Variants in PI15 observed in about 807,000 individuals in gnomAD.
The protein encoded by PI15 is peptidase inhibitor 15, also known as 25 kDa trypsin inhibitor.
A neutral mutation model predicts 31.0 loss-of-function variants in PI15; 18 were observed. The ratio of observed to expected loss-of-function variants is 0.58; its 90% CI spans 0.40 to 0.86. The LOEUF is 0.86. Among genes scored for constraint, PI15 ranks in the 40% least tolerant of loss-of-function variants. The probability of loss-of-function intolerance (pLI) is 0.00; values close to 1 mark genes in which losing one functional copy is unlikely to be tolerated. For missense variants in PI15, 282 were observed against 328.1 expected, an observed-to-expected ratio of 0.86 and a Z score of 1.09; for synonymous variants, 118 against 119.1, an observed-to-expected ratio of 0.99 and a Z score of 0.06.
Position 74,852,056 on chromosome 8 carries a change from G to A in PI15, c.*2803G>A, listed in dbSNP as rs548214183. 1 of 152,594 alleles carries A rather than the reference G, an allele frequency of 6.6e-6. No individual in the cohort carries two copies. Among genetic ancestry groups the A allele is most frequent in the East Asian group, 1.9e-4 (1 of 5,186 alleles). The allele number at this position is 152,594 out of a possible 1,614,324, so 9.5% of individuals were successfully genotyped here. ...ATATTTTTCACAGCATGCAACAATG[G>A]TGCTAGGATAGCTATTTCTTACTGT... is the stretch of plus-strand genomic sequence containing the variant. On this transcript the variant is annotated 3_prime_UTR_variant, in exon 6 of 6. Coordinates refer to ENST00000260113, the MANE Select transcript of PI15 (RefSeq NM_015886.5).
At chr8:74,825,065 T>C (rs1356979930) in intron 1 of PI15, 145 bp from the exon 2 acceptor site, 1 of 657,834 alleles carries the variant, frequency 1.5e-6, no homozygotes. Context: ...TACTGTAGGT[T>C]ATCTCCTAGG....
Position 74,825,540 on chromosome 8 carries a change from T to TC in PI15, c.273+18_273+19insC. ...AATATATGGTAAGAAGAATTCTTTTTTTTTTTTTTAAGTTCTGAGTGAGAA... is the reference window on the plus strand; with the variant it reads ...AATATATGGTAAGAAGAATTCTTTTTCTTTTTTTTTAAGTTCTGAGTGAGAA... On this transcript the variant is annotated intron_variant, in intron 2 of 5. Coordinates refer to ENST00000260113, the MANE Select transcript of PI15 (RefSeq NM_015886.5). The TC allele has an allele frequency of 6.3e-7, 1 of 1,592,098 alleles. No homozygotes were observed.
chr8:74,828,029 A>G (rs1376479699), intron 2 of PI15, among the ~76,000 whole-genome samples: 1 of 152,116 alleles, frequency 6.6e-6, no homozygotes, highest in Non-Finnish European at 1.5e-5. Context: ...AATATTTAAT[A>G]TTTGTTAAGC....
chr8:74,825,369 T>G lies in PI15; in HGVS notation c.120T>G (p.Ile40Met). The change falls in exon 2 of 6, where the codon ATT (isoleucine) becomes ATG (methionine). Residue 40 changes from isoleucine to methionine, a missense_variant. Transcript: ENST00000260113. ...CGCCAACCAATAATTTCACTGATATTGAAGCAGCTCTGAAAGCACAATTAG... is the reference window on the plus strand; with the variant it reads ...CGCCAACCAATAATTTCACTGATATGGAAGCAGCTCTGAAAGCACAATTAG... The part of the protein sequence containing the change: ...SSPPTNNFTD[I>M]EAALKAQLDS... The G allele has an allele frequency of 6.2e-7, 1 of 1,613,512 alleles. No homozygotes were observed. The highest frequency in any genetic ancestry group is 8.5e-7 in the Non-Finnish European group (1 of 1,179,668).
intron 2 of PI15, among the ~76,000 whole-genome samples, chr8:74,825,767 T>C (rs781275717): frequency 6.6e-6 from 1 of 152,064 alleles, no homozygotes; most frequent in African/African-American, 2.4e-5. Context: ...GACTTTCTTC[T>C]GTGAGTTCCA....
chr8:74,841,060 T>A (rs1810938360), intron 2 of PI15, among the ~76,000 whole-genome samples: 1 of 152,156 alleles, frequency 6.6e-6, no homozygotes, highest in South Asian at 2.1e-4. Flanking sequence ...AGTATAAAGG[T>A]AGGATTACAT....
chr8:74,838,605 A>G (rs890483644), intron 2 of PI15, among the ~76,000 whole-genome samples: 2 of 151,636 alleles, frequency 1.3e-5, no homozygotes, highest in Non-Finnish European at 2.9e-5. Context: ...TATTTTTTAC[A>G]TCTTTGTGTC....
chr8:74,825,628 T>A, intron 2 of PI15, 106 bp downstream of exon 2: 2 of 884,556 alleles, frequency 2.3e-6, no homozygotes, highest in Non-Finnish European at 3.4e-6. Context: ...TCCGGGTATA[T>A]GGACTTTTTA....
chr8:74,844,042 A>G lies in PI15; in HGVS notation c.335A>G (p.His112Arg). ...TGGGCGGCTACTTGCATTTGGGACC[A>G]TGGACCTTCTTACTTACTGAGATTT... ...EAWAATCIWD[H>R]GPSYLLRFLG... The change falls in exon 3 of 6, where the codon CAT (histidine) becomes CGT (arginine). Residue 112 changes from histidine (H) to arginine (R), a missense_variant. Transcript: ENST00000260113. The G allele has an allele frequency of 1.2e-6, 2 of 1,609,820 alleles. No individual in the cohort carries two copies. The highest frequency in any genetic ancestry group is 1.3e-5 in the African/African-American group (1 of 74,958).
At position 74,844,026 on chromosome 8, in the gene PI15, A is replaced by C. The variant is rs1810984564; in HGVS notation, c.319A>C (p.Thr107Pro). Residue 107 changes from threonine (T) to proline (P), a missense_variant, in exon 3 of 6, where the codon ACT becomes CCT. Physicochemically the swap from Thr to Pro is conservative, Grantham distance 38. Coordinates refer to ENST00000260113, the MANE Select transcript of PI15 (RefSeq NM_015886.5). ...LAKSAEAWAA[T>P]CIWDHGPSYL... ...AAAATCGGCAGAGGCTTGGGCGGCTACTTGCATTTGGGACCATGGACCTTC... is the reference window on the plus strand; with the variant it reads ...AAAATCGGCAGAGGCTTGGGCGGCTCCTTGCATTTGGGACCATGGACCTTC... 6.2e-7 allele frequency: 1 copy of C among 1,610,156 alleles called. No individual in the cohort carries two copies. Among genetic ancestry groups the C allele is most frequent in the Admixed American group, 1.7e-5 (1 of 59,994 alleles).
intron 2 of PI15, among the ~76,000 whole-genome samples, chr8:74,829,353 T>G (rs1810746564): frequency 6.6e-6 from 1 of 152,080 alleles, no homozygotes; most frequent in South Asian, 2.1e-4. Flanking sequence ...TCTTGGCTTC[T>G]GTTCTACAAT....
rs1811069029 is a variant in PI15 at position 74,849,150 on chromosome 8, T to C, written c.674T>C (p.Val225Ala). The C allele has an allele frequency of 4.3e-6, 7 of 1,613,064 alleles. No individual in the cohort carries two copies. The East Asian group carries it at 1.3e-4, about 31-fold the overall frequency. The change falls in exon 6 of 6, where the codon GTA becomes GCA. Residue 225 changes from valine to alanine, a missense_variant. Coordinates refer to ENST00000260113, the MANE Select transcript of PI15 (RefSeq NM_015886.5). ...TGGATTGGAGAAGCACCATATAAAG[T>C]AGGGGTACCATGTTCATCTTGTCCT... ...GNWIGEAPYK[V>A]GVPCSSCPPS... is the part of the protein sequence containing the mutation.
intron 2 of PI15, among the ~76,000 whole-genome samples, chr8:74,835,790 A>G (rs73341301): frequency 2.3e-4 from 35 of 152,332 alleles, no homozygotes; most frequent in African/African-American, 8.4e-4. Context: ...AATGATGCAT[A>G]GACTTAGAGC....
At position 74,843,964 on chromosome 8, in the gene PI15, A is replaced by AT. The variant is rs768689555; in HGVS notation, c.274-10dup. 81 of 1,251,296 alleles carry AT rather than the reference A, an allele frequency of 6.5e-5. No individual in the cohort carries two copies. The highest frequency in any genetic ancestry group is 8.8e-5 in the Non-Finnish European group (75 of 848,680). 77.5% of individuals were successfully genotyped at this position (1,251,296 alleles called of 1,614,324 possible). On this transcript the variant is annotated splice_polypyrimidine_tract_variant and intron_variant, in intron 2 of 5. Coordinates refer to ENST00000260113, the MANE Select transcript of PI15 (RefSeq NM_015886.5). ...ATCAGCAAATTCCGTAACGCTGAAG[A>AT]TTTTTTTCCCCTACAGGTTTGGGAT...
At chr8:74,832,959 A>G (rs1311452744) in intron 2 of PI15, among the ~76,000 whole-genome samples, 1 of 152,148 alleles carries the variant, frequency 6.6e-6, no homozygotes, top group Admixed American at 6.6e-5. Flanking sequence ...TTCACTTTTA[A>G]TAATTTAGTT....
chr8:74,825,033 A>G, intron 1 of PI15, 177 bp from the exon 2 acceptor site: 1 of 616,754 alleles, frequency 1.6e-6, no homozygotes, highest in East Asian at 2.6e-5. Context: ...GCCTCATGAC[A>G]CTAAAAAATG....
chr8:74,840,598 A>G (rs1158607325), intron 2 of PI15, among the ~76,000 whole-genome samples: 1 of 152,154 alleles, frequency 6.6e-6, no homozygotes, highest in Non-Finnish European at 1.5e-5. Context: ...ACAGCTCACT[A>G]CTCAAGCCAG....
chr8:74,838,709 C>A (rs192707128), intron 2 of PI15, among the ~76,000 whole-genome samples: 2 of 152,126 alleles, frequency 1.3e-5, no homozygotes, highest in Admixed American at 6.6e-5. Flanking sequence ...AACATTTCTA[C>A]ATTTAATTTT....
In PI15 at chr8:74,845,416, C is replaced by T; in HGVS notation, c.560C>T (p.Ala187Val). ...VWATSNRIGC[A>V]IHTCQNMNVW... ...GCCACTTCCAATCGGATAGGATGCG[C>T]AATTCATACTTGCCAAAACATGAAT... Residue 187 changes from alanine to valine, a missense_variant, in exon 5 of 6, where the codon GCA becomes GTA. Physicochemically the swap from Ala to Val is moderately conservative, Grantham distance 64. Coordinates refer to ENST00000260113, the MANE Select transcript of PI15 (RefSeq NM_015886.5). 1 of 1,613,992 alleles carries T rather than the reference C, an allele frequency of 6.2e-7. No homozygotes were observed. Among genetic ancestry groups the T allele is most frequent in the Non-Finnish European group, 8.5e-7 (1 of 1,179,894 alleles).
Sources: gnomAD v4.1 joint callset for allele counts (sites outside exome capture counted in the v4.1 genomes callset) on GRCh38, gnomAD v4.1.1 for gene constraint, MANE v1.5 for transcripts, NCBI Gene and HGNC (gene_info 2026-07-23, HGNC 2026-07-21) for gene names.